Variants in CNTN5 observed in about 807,000 individuals in gnomAD.
The protein encoded by CNTN5 is contactin-5.
A neutral mutation model predicts 129.1 loss-of-function variants in CNTN5; 77 were observed. That is an observed-to-expected ratio of 0.60 (90% CI 0.50 to 0.72). CNTN5 has a LOEUF of 0.72. CNTN5 is among the 30% of genes least tolerant of loss of function. The pLI is 0.00. For synonymous variants in CNTN5, 509 were observed against 465.6 expected (o/e 1.09, Z -1.20); for missense variants, 1,478 against 1,328.8 (o/e 1.11, Z -1.75).
intron 2 of CNTN5, among the ~76,000 whole-genome samples, chr11:99,430,872 G>T (rs1281745956): frequency 6.6e-6 from 1 of 152,102 alleles, no homozygotes; most frequent in African/African-American, 2.4e-5. Flanking sequence ...ACTACGGTGT[G>T]AGGTGGCTGT....
chr11:99,083,791 C>T (rs922549857), intron 1 of CNTN5, among the ~76,000 whole-genome samples: 9 of 151,934 alleles, frequency 5.9e-5, no homozygotes, highest in Non-Finnish European at 1.2e-4. Flanking sequence ...AAACTTCCAC[C>T]CCATAAGTCA....
chr11:99,676,670 C>T (rs964454303), intron 3 of CNTN5, among the ~76,000 whole-genome samples: 74 of 152,154 alleles, frequency 4.9e-4, no homozygotes, highest in African/African-American at 1.8e-3. Context: ...TTAAGAAAAA[C>T]ATATGTAACA....
At chr11:99,931,747 G>A (rs1305962277) in intron 7 of CNTN5, among the ~76,000 whole-genome samples, 1 of 152,202 alleles carries the variant, frequency 6.6e-6, no homozygotes, top group Non-Finnish European at 1.5e-5. Context: ...ACAAGTTAGT[G>A]TGCAATATTT....
Position 99,643,947 on chromosome 11 carries a change from C to G in CNTN5, c.55+87678C>G, listed in dbSNP as rs374394056. Reference sequence around the variant, plus strand: ...AATTTAAAAATATAAACAATTTTTTCAGTATGCCAGAAATACATGTCCCAT... The same window carrying G: ...AATTTAAAAATATAAACAATTTTTTGAGTATGCCAGAAATACATGTCCCAT... On this transcript the variant is annotated intron_variant, in intron 3 of 24. Transcript: ENST00000524871. Among the ~76,000 whole-genome samples, 34 of 152,134 alleles carry G rather than the reference C, an allele frequency of 2.2e-4. 1 individual carries two copies. The South Asian group carries it at 6.6e-3, about 30-fold the overall frequency.
chr11:99,621,601 C>T (rs886699029), intron 3 of CNTN5, among the ~76,000 whole-genome samples: 8 of 152,008 alleles, frequency 5.3e-5, no homozygotes, highest in East Asian at 1.9e-4. Flanking sequence ...TAATCTATCA[C>T]GAGGGCTTTG....
At chr11:99,071,773 A>C (rs2135249558) in intron 1 of CNTN5, among the ~76,000 whole-genome samples, 1 of 152,252 alleles carries the variant, frequency 6.6e-6, no homozygotes, top group Non-Finnish European at 1.5e-5. Context: ...CTAAAGATTA[A>C]GTTTGTTGTC....
intron 15 of CNTN5, among the ~76,000 whole-genome samples, chr11:100,217,886 C>T (rs911965162): frequency 1.3e-5 from 2 of 152,144 alleles, no homozygotes; most frequent in South Asian, 2.1e-4. Flanking sequence ...AAATACTACT[C>T]CTGCCTAGAA....
At chr11:99,458,874 C>A (rs866395633) in intron 2 of CNTN5, among the ~76,000 whole-genome samples, 132 of 151,976 alleles carry the variant, frequency 8.7e-4, no homozygotes, top group African/African-American at 2.8e-3. Context: ...TGAGCAAGAA[C>A]CTTATGTACT....
chr11:99,182,206 C>A (rs1455617540), intron 1 of CNTN5, among the ~76,000 whole-genome samples: 12 of 152,150 alleles, frequency 7.9e-5, no homozygotes, highest in Admixed American at 7.2e-4. Flanking sequence ...ATTAATTTTT[C>A]ATATTTTAAT....
chr11:99,710,401 T>A (rs556407802), intron 3 of CNTN5, among the ~76,000 whole-genome samples: 1 of 151,954 alleles, frequency 6.6e-6, no homozygotes, highest in Admixed American at 6.6e-5. Flanking sequence ...CATACTGTTG[T>A]AGCATTAAGT....
intron 2 of CNTN5, among the ~76,000 whole-genome samples, chr11:99,502,894 C>G (rs61894109): frequency 0.19 from 29,290 of 152,044 alleles, 3,263 homozygotes; most frequent in East Asian, 0.49. Context: ...TATTTTTCTT[C>G]ACCTTCAGTC....
intron 1 of CNTN5, among the ~76,000 whole-genome samples, chr11:99,222,616 A>C (rs982467647): frequency 6.6e-6 from 1 of 152,204 alleles, no homozygotes. Flanking sequence ...AAACCATTGC[A>C]TTTTTCATAC....
intron 1 of CNTN5, among the ~76,000 whole-genome samples, chr11:99,227,255 G>A (rs899835707): frequency 1.3e-5 from 2 of 151,868 alleles, no homozygotes; most frequent in Non-Finnish European, 2.9e-5. Flanking sequence ...AGCTACTCAG[G>A]AGGCTGAAGC....
chr11:99,890,492 A>G (rs1015297482), intron 6 of CNTN5, among the ~76,000 whole-genome samples: 6 of 152,032 alleles, frequency 3.9e-5, no homozygotes, highest in Non-Finnish European at 7.4e-5. Flanking sequence ...TATGTATTCA[A>G]TAATGTAAGT....
chr11:100,149,909 A>T (rs1334105106), intron 13 of CNTN5, among the ~76,000 whole-genome samples: 1 of 138,488 alleles, frequency 7.2e-6, no homozygotes, highest in Non-Finnish European at 1.5e-5. Flanking sequence ...AAAAAAAAAG[A>T]AAAGAAAAGA....
At chr11:100,082,283 G>A (rs1299827910) in intron 13 of CNTN5, among the ~76,000 whole-genome samples, 4 of 152,200 alleles carry the variant, frequency 2.6e-5, no homozygotes, top group South Asian at 2.1e-4. Context: ...TAGAAGCATT[G>A]TAGGTTTGCT....
chr11:99,349,604 T>C (rs558984263), intron 2 of CNTN5, among the ~76,000 whole-genome samples: 8 of 152,264 alleles, frequency 5.3e-5, no homozygotes, highest in African/African-American at 1.9e-4. Context: ...TTTGGGGGAA[T>C]TGAACACTTG....
chr11:99,120,072 T>C (rs990524517), intron 1 of CNTN5: 4 of 152,100 alleles, frequency 2.6e-5, no homozygotes, highest in African/African-American at 9.7e-5. Context: ...ATTCTTTAGG[T>C]TGTCTGTTTA....
chr11:99,889,696 C>T (rs1371258462), intron 6 of CNTN5, among the ~76,000 whole-genome samples: 2 of 151,838 alleles, frequency 1.3e-5, no homozygotes, highest in Non-Finnish European at 2.9e-5. Flanking sequence ...CTGCCACGTC[C>T]AGCTAATTTT....
Sources: allele counts gnomAD v4.1 joint callset (sites outside exome capture counted in the v4.1 genomes callset), GRCh38; gene constraint gnomAD v4.1.1; transcripts MANE v1.5; gene names NCBI Gene and HGNC (gene_info 2026-07-23, HGNC 2026-07-21).